The following TPM4 variants were observed in gnomAD, a reference collection of about 807,000 sequenced individuals.
The protein encoded by TPM4 is tropomyosin 4, also known as tropomyosin alpha-4 chain.
A neutral mutation model predicts 35.8 loss-of-function variants in TPM4; 17 were observed. The ratio of observed to expected loss-of-function variants is 0.47; its 90% confidence interval spans 0.32 to 0.71. The LOEUF (loss-of-function observed/expected upper bound fraction) is 0.71. TPM4 is among the 30% of genes least tolerant of loss of function. The pLI is 0.03. For synonymous variants in TPM4, 120 were observed against 122.9 expected (o/e 0.98, Z 0.15); for missense variants, 240 against 320.9 (o/e 0.75, Z 1.93).
At chr19:16,073,963 C>CAAAAACAAAAAA (rs2090379578), upstream of TPM4, among the ~76,000 whole-genome samples, 1 of 71,886 alleles carries the variant, frequency 1.4e-5, no homozygotes, top group Non-Finnish European at 2.5e-5. Flanking sequence ...AAAAAAAACG[C>CAAAAACAAAAAA]AAAAAAAAAA....
chr19:16,098,091 T>G (rs781132635), intron 7 of TPM4, among the ~76,000 whole-genome samples: 4 of 152,198 alleles, frequency 2.6e-5, no homozygotes, highest in African/African-American at 4.8e-5. Flanking sequence ...TTGAAGTAAC[T>G]ATGCAGCCTG....
Position 16,102,166 on chromosome 19 carries a change from G to A in TPM4, c.*820G>A. 1 of 187,702 alleles carries A rather than the reference G, an allele frequency of 5.3e-6. No individual in the cohort carries two copies. The highest frequency in any genetic ancestry group is 8.5e-5 in the East Asian group (1 of 11,712). The allele number at this position is 187,702 out of a possible 1,614,324, so 11.6% of individuals were successfully genotyped here. A position where few individuals can be genotyped will look rare whatever the true frequency, so the allele number is the denominator to read the frequency against. ...GTTCGAGACCAGCCCAGCCAACATGGCGAAACCATGTCTCTACTAAAAATA... is the reference window on the plus strand; with the variant it reads ...GTTCGAGACCAGCCCAGCCAACATGACGAAACCATGTCTCTACTAAAAATA... On this transcript the variant is annotated 3_prime_UTR_variant, in exon 8 of 8. Transcript: ENST00000643579.
chr19:16,076,719 C>T, intron 1 of TPM4, 22 bp downstream of exon 1: 1 of 1,315,770 alleles, frequency 7.6e-7, no homozygotes. Flanking sequence ...GGCCTCGGGC[C>T]CCGCACCCGC....
upstream of TPM4, chr19:16,074,343 A>C (rs2090384425): frequency 6.6e-6 from 1 of 152,264 alleles, no homozygotes; most frequent in Admixed American, 6.5e-5. Flanking sequence ...TAGATGTCCA[A>C]GATCAAGATG....
At chr19:16,073,963 C>CAAAAAGAAA (rs2090379578), upstream of TPM4, among the ~76,000 whole-genome samples, 1 of 71,884 alleles carries the variant, frequency 1.4e-5, no homozygotes, top group East Asian at 4.3e-4. Flanking sequence ...AAAAAAAACG[C>CAAAAAGAAA]AAAAAAAAAA....
At chr19:16,069,474 GATGAGTGT>G (rs2090331719) in intron 2 of TPM4, among the ~76,000 whole-genome samples, 1 of 73,696 alleles carries the variant, frequency 1.4e-5, no homozygotes, top group African/African-American at 4.3e-5. Flanking sequence ...AATGTGTATG[GATGAGTGT>G]GTGTTTCTGA....
At chr19:16,099,070 CTGTGTG>C (rs3222768) in intron 7 of TPM4, among the ~76,000 whole-genome samples, 27 of 109,772 alleles carry the variant, frequency 2.5e-4, no homozygotes, top group Admixed American at 1.2e-3. Flanking sequence ...TCACTTGACT[CTGTGTG>C]TGTGTGTGTG....
At chr19:16,068,714 CGT>C (rs1040632469) in intron 2 of TPM4, among the ~76,000 whole-genome samples, 17 of 151,968 alleles carry the variant, frequency 1.1e-4, no homozygotes, top group African/African-American at 2.2e-4. Flanking sequence ...AGCATTTCTG[CGT>C]GTGTGTGTAC....
chr19:16,096,969 T>TTTTTTC (rs1568312345), intron 7 of TPM4, among the ~76,000 whole-genome samples: 2 of 112,608 alleles, frequency 1.8e-5, no homozygotes, highest in African/African-American at 7.3e-5. Context: ...TTTTTTTTTT[T>TTTTTTC]TCAAGACAGG....
intron 5 of TPM4, among the ~76,000 whole-genome samples, chr19:16,090,283 T>C (rs866245043): frequency 2.7e-4 from 40 of 148,018 alleles, no homozygotes; most frequent in African/African-American, 8.7e-4. Flanking sequence ...ACTCCAAAAC[T>C]GTATTTTTTT....
chr19:16,076,902 A>T (rs2090415138), intron 1 of TPM4: 2 of 1,100,190 alleles, frequency 1.8e-6, no homozygotes, highest in Non-Finnish European at 2.3e-6. Context: ...GGCCTGGGAC[A>T]GGGGAGGGGG....
At chr19:16,093,395 C>G in intron 5 of TPM4, 141 bp from the exon 6 acceptor site, 2 of 824,348 alleles carry the variant, frequency 2.4e-6, no homozygotes. Context: ...GGGGTTTCAC[C>G]ATGTTGGCCA....
intron 4 of TPM4, chr19:16,088,841 CT>C: frequency 7.3e-7 from 1 of 1,370,482 alleles, no homozygotes. Context: ...CGCACCTCGC[CT>C]CTGCCTGGTA....
intron 5 of TPM4, among the ~76,000 whole-genome samples, chr19:16,090,326 T>C (rs10408301): frequency 0.5 from 75,162 of 149,786 alleles, 21,167 homozygotes; most frequent in East Asian, 0.79. Context: ...CTATGTTGCC[T>C]AGGCTGGTCT....
At chr19:16,094,026 G>A (rs970036532) in intron 7 of TPM4, among the ~76,000 whole-genome samples, 5 of 143,202 alleles carry the variant, frequency 3.5e-5, no homozygotes, top group South Asian at 2.3e-4. Flanking sequence ...GTGCAGTGGC[G>A]CCATCTCGGC....
chr19:16,088,998 C>T lies in TPM4; in HGVS notation c.456-47C>T, dbSNP rs199862891. The stretch of plus-strand genomic sequence containing the variant: ...TTGTTGGGGCGATTGCTATTATTGC[C>T]GGCTGTAAGGGAAGATAAGACACAA... On this transcript the variant is annotated intron_variant, in intron 4 of 7. Transcript: ENST00000643579. The T allele has an allele frequency of 9.7e-5, 157 of 1,611,888 alleles. No individual in the cohort carries two copies. The African/African-American group carries it at 1.6e-3, about 17-fold the overall frequency.
intron 2 of TPM4, among the ~76,000 whole-genome samples, chr19:16,082,337 C>T (rs186398677): frequency 7.9e-5 from 12 of 152,114 alleles, no homozygotes; most frequent in Admixed American, 3.3e-4. Flanking sequence ...GGTGAAACCC[C>T]GTCTTTCCTA....
chr19:16,078,960 G>C (rs2090447731), intron 1 of TPM4, among the ~76,000 whole-genome samples: 1 of 151,762 alleles, frequency 6.6e-6, no homozygotes, highest in East Asian at 1.9e-4. Context: ...ACATCTTCCT[G>C]TTCCTTTGCC....
chr19:16,076,376 G>A, upstream of TPM4: 1 of 1,407,904 alleles, frequency 7.1e-7, no homozygotes, highest in Non-Finnish European at 9.2e-7. Context: ...CCCCAGCGGT[G>A]CTGACGTCGG....
Sources: gnomAD v4.1 joint callset for allele counts (sites outside exome capture counted in the v4.1 genomes callset) on GRCh38, gnomAD v4.1.1 for gene constraint, MANE v1.5 for transcripts, NCBI Gene and HGNC (gene_info 2026-07-23, HGNC 2026-07-21) for gene names.